The following CHN2 variants were observed in gnomAD, a reference collection of about 807,000 sequenced individuals.
The protein encoded by CHN2 is chimerin 2.
Under a neutral mutation model 56.3 loss-of-function variants are expected in CHN2, and 35 were observed. That is an observed-to-expected ratio of 0.62 (90% CI 0.47 to 0.82). CHN2 has a LOEUF of 0.82. Ranked by LOEUF, CHN2 falls within the 40% of genes least tolerant of loss-of-function variation. The pLI, the probability that CHN2 is intolerant of heterozygous loss-of-function variation, is 0.00. For missense variants in CHN2, 491 were observed against 580.5 expected (o/e 0.85, Z 1.58); for synonymous variants, 210 against 212.8 (o/e 0.99, Z 0.12).
At chr7:29,473,515 A>G (rs1022419149) in intron 6 of CHN2, among the ~76,000 whole-genome samples, 1 of 118,266 alleles carries the variant, frequency 8.5e-6, no homozygotes, top group African/African-American at 3.5e-5. Context: ...TGTTCTAATT[A>G]TCAGGCAAGG....
At chr7:29,367,461 A>G (rs1270193953) in intron 2 of CHN2, among the ~76,000 whole-genome samples, 3 of 152,190 alleles carry the variant, frequency 2.0e-5, no homozygotes, top group Admixed American at 6.5e-5. Flanking sequence ...AGAATCAGTT[A>G]TGTCTTTGTC....
chr7:29,313,389 T>C (rs1011018077), intron 1 of CHN2, among the ~76,000 whole-genome samples: 57 of 152,230 alleles, frequency 3.7e-4, no homozygotes, highest in African/African-American at 1.3e-3. Flanking sequence ...AGAGGAACTC[T>C]GGTGTAATGA....
chr7:29,215,667 G>T (rs1785282784), intron 1 of CHN2, among the ~76,000 whole-genome samples: 1 of 151,926 alleles, frequency 6.6e-6, no homozygotes, highest in African/African-American at 2.4e-5. Context: ...GCTTCTGCTT[G>T]GAAGTTAGGT....
intron 1 of CHN2, among the ~76,000 whole-genome samples, chr7:29,354,211 G>A (rs762366574): frequency 6.6e-5 from 10 of 152,172 alleles, no homozygotes; most frequent in African/African-American, 1.4e-4. Context: ...CATACTTGCC[G>A]CTTTGCGTCT....
chr7:29,184,151 TGATAGATAGATAGATA>T (rs56102038), intron 2 of CHN2, among the ~76,000 whole-genome samples: 393 of 143,384 alleles, frequency 2.7e-3, no homozygotes, highest in Middle Eastern at 7.1e-3. Context: ...TACAGATAGA[TGATAGATAGATAGATA>T]GATAGATAGA....
At chr7:29,330,009 G>A (rs1423930195) in intron 1 of CHN2, among the ~76,000 whole-genome samples, 5 of 152,118 alleles carry the variant, frequency 3.3e-5, no homozygotes, top group African/African-American at 1.2e-4. Context: ...GCTCTAACCT[G>A]GCCAGACTAT....
Position 29,204,595 on chromosome 7 carries a change from G to C in CHN2, c.49+9605G>C, listed in dbSNP as rs1784392623. Among the ~76,000 whole-genome samples, 3 of 152,228 alleles carry C rather than the reference G, an allele frequency of 2.0e-5. No individual in the cohort carries two copies. The South Asian group carries it at 6.2e-4, about 32-fold the overall frequency. On this transcript the variant is annotated intron_variant, in intron 1 of 12. Coordinates refer to ENST00000222792, the MANE Select transcript of CHN2 (RefSeq NM_004067.4). ...TCTTTCAGTAGGTACCCTTTGAGTT[G>C]TTAATTTCTGGTTGGGGTCCTGGTT... is the stretch of plus-strand genomic sequence containing the variant.
At chr7:29,441,635 T>G (rs959956364) in intron 6 of CHN2, among the ~76,000 whole-genome samples, 2 of 152,156 alleles carry the variant, frequency 1.3e-5, no homozygotes, top group Non-Finnish European at 2.9e-5. Flanking sequence ...CAATCGATAT[T>G]TTTCCAAAGA....
intron 1 of CHN2, among the ~76,000 whole-genome samples, chr7:29,315,137 T>A (rs1264303622): frequency 6.6e-6 from 1 of 152,222 alleles, no homozygotes; most frequent in Non-Finnish European, 1.5e-5. Context: ...TATTTCTGTT[T>A]TGTGGATTAC....
chr7:29,158,460 G>C (rs940451847), intron 2 of CHN2, among the ~76,000 whole-genome samples: 4 of 152,106 alleles, frequency 2.6e-5, no homozygotes, highest in African/African-American at 9.7e-5. Context: ...GTAAGAGTGG[G>C]GATAGCTGAA....
chr7:29,157,284 C>A (rs1225065872), intron 2 of CHN2, among the ~76,000 whole-genome samples: 2 of 152,118 alleles, frequency 1.3e-5, no homozygotes, highest in Non-Finnish European at 2.9e-5. Flanking sequence ...CCATTGGAAC[C>A]TGTCAGTACT....
chr7:29,207,507 C>T (rs1032652821), intron 1 of CHN2, among the ~76,000 whole-genome samples: 2 of 152,166 alleles, frequency 1.3e-5, no homozygotes, highest in African/African-American at 4.8e-5. Flanking sequence ...AGCAGTAGGT[C>T]CCCTCTGCTA....
At chr7:29,248,856 C>T (rs577852716) in intron 1 of CHN2, among the ~76,000 whole-genome samples, 6 of 152,256 alleles carry the variant, frequency 3.9e-5, no homozygotes, top group African/African-American at 1.4e-4. Flanking sequence ...GGAGATGAGC[C>T]GGGCTTAGAA....
At chr7:29,219,791 A>C (rs1207229866) in intron 1 of CHN2, among the ~76,000 whole-genome samples, 1 of 152,190 alleles carries the variant, frequency 6.6e-6, no homozygotes, top group East Asian at 1.9e-4. Flanking sequence ...GATAAAAGGA[A>C]GTTGGCTGGG....
At chr7:29,327,210 C>T (rs116666319) in intron 1 of CHN2, among the ~76,000 whole-genome samples, 1,981 of 152,252 alleles carry the variant, frequency 0.013, 54 homozygotes, top group African/African-American at 0.045. Context: ...AGTAGAAGGT[C>T]GGTTTCACAG....
At chr7:29,460,623 T>G (rs904841197) in intron 6 of CHN2, among the ~76,000 whole-genome samples, 1 of 152,244 alleles carries the variant, frequency 6.6e-6, no homozygotes, top group Non-Finnish European at 1.5e-5. Context: ...GGCAAAGATC[T>G]GAGGGGCTCT....
At chr7:29,207,998 C>T (rs1784649154) in intron 1 of CHN2, among the ~76,000 whole-genome samples, 1 of 152,120 alleles carries the variant, frequency 6.6e-6, no homozygotes, top group Non-Finnish European at 1.5e-5. Context: ...ATGTATTGTT[C>T]ACTGTAAGGA....
intron 1 of CHN2, chr7:29,200,007 G>C (rs548002731): frequency 6.6e-6 from 1 of 152,490 alleles, no homozygotes; most frequent in South Asian, 2.1e-4. Flanking sequence ...GCTCGGCAGG[G>C]TCTCCCATTT....
At chr7:29,335,741 C>T (rs999791815) in intron 1 of CHN2, 3 of 152,234 alleles carry the variant, frequency 2.0e-5, no homozygotes, top group Admixed American at 6.5e-5. Context: ...GTCCTGTCAA[C>T]ATTGTGAACA....
Sources: gnomAD v4.1 joint callset for allele counts (sites outside exome capture counted in the v4.1 genomes callset) on GRCh38, gnomAD v4.1.1 for gene constraint, MANE v1.5 for transcripts, NCBI Gene and HGNC (gene_info 2026-07-23, HGNC 2026-07-21) for gene names.